The following RGCC variants were observed in gnomAD, a reference collection of about 807,000 sequenced individuals.
RGCC encodes regulator of cell cycle RGCC.
In RGCC, 15 loss-of-function variants were observed where a neutral mutation model predicts 15.4. The ratio of observed to expected loss-of-function variants is 0.97; its 90% confidence interval spans 0.65 to 1.50. RGCC has a LOEUF of 1.50. RGCC is among the 40% of genes most tolerant of loss of function. The pLI, the probability that RGCC is intolerant of heterozygous loss-of-function variation, is 0.00. For synonymous variants in RGCC, 81 were observed against 78.0 expected (o/e 1.04, Z -0.20); for missense variants, 176 against 189.7 (o/e 0.93, Z 0.42).
rs1040565272 is a variant in RGCC, at chr13:41,466,815, C to T, written c.236-8C>T. ...TATTTCTAATGAGTATATTTTCCTTCCTGAAAGGTGCAGATTCACTTTATA... is the reference window on the plus strand; with the variant it reads ...TATTTCTAATGAGTATATTTTCCTTTCTGAAAGGTGCAGATTCACTTTATA... On this transcript the variant is annotated splice_polypyrimidine_tract_variant and splice_region_variant and intron_variant, in intron 2 of 4. Coordinates refer to ENST00000379359, the MANE Select transcript of RGCC (RefSeq NM_014059.3). 6.3e-7 allele frequency: 1 copy of T among 1,595,002 alleles called. No individual in the cohort carries two copies.
chr13:41,460,170 TAAAG>T (rs1368791349), intron 2 of RGCC, among the ~76,000 whole-genome samples: 4 of 152,200 alleles, frequency 2.6e-5, no homozygotes, highest in African/African-American at 4.8e-5. Context: ...GGGAAGAACA[TAAAG>T]AAAGCTCAGA....
Position 41,468,776 on chromosome 13 carries a change from C to G in RGCC, c.344C>G (p.Ala115Gly). 1 of 1,604,670 alleles carries G rather than the reference C, an allele frequency of 6.2e-7. No individual in the cohort carries two copies. Among genetic ancestry groups the G allele is most frequent in the South Asian group, 1.1e-5 (1 of 90,988 alleles). Residue 115 changes from alanine (A) to glycine (G), a missense_variant and splice_region_variant, in exon 4 of 5, where the codon GCT becomes GGT. Ala to Gly is a moderately conservative substitution (Grantham distance 60). Transcript: ENST00000379359. ...TCTCTCTCCCTCTCCTGTTTCACAG[C>G]TAAATTAGGAGACACAAAAGAGCTA... ...LLSATVTPQK[A>G]KLGDTKELEA... is the part of the protein sequence containing the mutation.
chr13:41,460,878 C>G (rs192233824), intron 2 of RGCC, among the ~76,000 whole-genome samples: 2 of 152,132 alleles, frequency 1.3e-5, no homozygotes, highest in Admixed American at 6.5e-5. Context: ...GTTTTTTGCT[C>G]TAGTTTTTAC....
chr13:41,466,732 G>T, intron 2 of RGCC, 91 bp from the exon 3 acceptor site: 1 of 920,834 alleles, frequency 1.1e-6, no homozygotes, highest in South Asian at 1.5e-5. Context: ...TTATTTTGAA[G>T]ACAAATTGTT....
At chr13:41,467,749 G>A (rs1031067016) in intron 3 of RGCC, among the ~76,000 whole-genome samples, 1 of 152,088 alleles carries the variant, frequency 6.6e-6, no homozygotes, top group Non-Finnish European at 1.5e-5. Context: ...ACATAGCAAC[G>A]TTAGCACCCA....
intron 3 of RGCC, among the ~76,000 whole-genome samples, chr13:41,468,126 G>A (rs1197247792): frequency 6.6e-6 from 1 of 152,200 alleles, no homozygotes; most frequent in African/African-American, 2.4e-5. Flanking sequence ...GCACCTGGAG[G>A]GGATGAGGCT....
chr13:41,470,132 C>T (rs201843618), intron 4 of RGCC, among the ~76,000 whole-genome samples: 1 of 151,254 alleles, frequency 6.6e-6, no homozygotes, highest in Non-Finnish European at 1.5e-5. Flanking sequence ...GCAGACAAAC[C>T]TAAATATCAG....
At chr13:41,470,353 C>G (rs1440408789) in intron 4 of RGCC, 125 bp from the exon 5 acceptor site, 2 of 945,488 alleles carry the variant, frequency 2.1e-6, no homozygotes, top group Admixed American at 1.8e-5. Flanking sequence ...TAATCAGACA[C>G]TCATCGTGTG....
At chr13:41,464,749 T>C (rs1327607865) in intron 2 of RGCC, among the ~76,000 whole-genome samples, 3 of 152,148 alleles carry the variant, frequency 2.0e-5, no homozygotes, top group African/African-American at 4.8e-5. Flanking sequence ...GAAGTGTAGG[T>C]ATCAGGTCCA....
intron 2 of RGCC, among the ~76,000 whole-genome samples, chr13:41,464,747 G>A (rs2043839276): frequency 6.6e-6 from 1 of 152,166 alleles, no homozygotes; most frequent in South Asian, 2.1e-4. Flanking sequence ...GGGAAGTGTA[G>A]GTATCAGGTC....
chr13:41,458,480 GC>G lies in RGCC; in HGVS notation c.235+15del, dbSNP rs774942160. 1 of 1,589,316 alleles carries G rather than the reference GC, an allele frequency of 6.3e-7. No individual in the cohort carries two copies. The highest frequency in any genetic ancestry group is 1.1e-5 in the South Asian group (1 of 88,840). Reference sequence around the variant, plus strand: ...TTCAGCGACTCGGAGAGTAAGTGCGGCCCCCGCTAGGATGGCGCCGGGATCT... The same window carrying G: ...TTCAGCGACTCGGAGAGTAAGTGCGGCCCCGCTAGGATGGCGCCGGGATCT... On this transcript the variant is annotated intron_variant, in intron 2 of 4. Transcript: ENST00000379359. The surrounding 1 kb of genome is among the most constrained non-coding windows in gnomAD (Gnocchi z 4.4).
At chr13:41,467,308 A>T (rs1478576885) in intron 3 of RGCC, among the ~76,000 whole-genome samples, 1 of 152,200 alleles carries the variant, frequency 6.6e-6, no homozygotes. Flanking sequence ...AGATAGTGGG[A>T]TTCTTTTTAT....
At chr13:41,466,659 G>A (rs2043850832) in intron 2 of RGCC, among the ~76,000 whole-genome samples, 164 bp from the exon 3 acceptor site, 1 of 152,196 alleles carries the variant, frequency 6.6e-6, no homozygotes, top group Non-Finnish European at 1.5e-5. Flanking sequence ...AAAGTGCTGA[G>A]ATTACAGCCG....
rs1476475141 is a variant in RGCC at position 41,457,700 on chromosome 13, G to C, written c.-8G>C. On this transcript the variant is annotated 5_prime_UTR_variant, in exon 1 of 5. Transcript: ENST00000379359. The surrounding 1 kb of genome is among the most constrained non-coding windows in gnomAD (Gnocchi z 4.9). ...GGCCACGCGCGCCGGGCCCAGCTGA[G>C]CCGCCTCATGAAGCCGCCCGCGGCG... 9 of 1,486,854 alleles carry C rather than the reference G, an allele frequency of 6.1e-6. No individual in the cohort carries two copies. The highest frequency in any genetic ancestry group is 4.5e-6 in the Non-Finnish European group (5 of 1,120,074). 92.1% of individuals were successfully genotyped at this position (1,486,854 alleles called of 1,614,324 possible).
chr13:41,458,610 CG>C lies in RGCC; in HGVS notation c.235+144del. On this transcript the variant is annotated intron_variant, in intron 2 of 4. Transcript: ENST00000379359. The surrounding 1 kb of genome is among the most constrained non-coding windows in gnomAD (Gnocchi z 4.4). Reference sequence around the variant, plus strand: ...CTCAACGCAGTAGGCCGAGTGGTGGCGGGGCCCCTGACGATAATCACGGGAA... The same window carrying C: ...CTCAACGCAGTAGGCCGAGTGGTGGCGGGCCCCTGACGATAATCACGGGAA... 2 of 995,910 alleles carry C rather than the reference CG, an allele frequency of 2.0e-6. No homozygotes were observed. The highest frequency in any genetic ancestry group is 1.7e-5 in the South Asian group (1 of 58,548). 61.7% of individuals were successfully genotyped at this position (995,910 alleles called of 1,614,324 possible).
chr13:41,458,249 G>A lies in RGCC; in HGVS notation c.50-36G>A. ...TGGGAGGTGGTCCCGCTGCCCCCCT[G>A]ACTTCCGTGCACTGAGCCCCTGGCC... On this transcript the variant is annotated intron_variant, in intron 1 of 4. Coordinates refer to ENST00000379359, the MANE Select transcript of RGCC (RefSeq NM_014059.3). This position sits in a 1 kb window ranked among gnomAD's most constrained non-coding sequence, Gnocchi z 4.4. 6.6e-7 allele frequency: 1 copy of A among 1,517,056 alleles called. No homozygotes were observed. Among genetic ancestry groups the A allele is most frequent in the Non-Finnish European group, 8.8e-7 (1 of 1,132,878 alleles). The allele number at this position is 1,517,056 out of a possible 1,614,324, so 94.0% of individuals were successfully genotyped here.
rs576639991 is a variant in RGCC at position 41,460,486 on chromosome 13, G to A, written c.235+2016G>A. On this transcript the variant is annotated intron_variant, in intron 2 of 4. Coordinates refer to ENST00000379359, the MANE Select transcript of RGCC (RefSeq NM_014059.3). ...ACTTTTAGCAAACGCTTGTTATGAT[G>A]ATGATGATGATTTATTAGCTGGAAT... Among the ~76,000 whole-genome samples, 33 of 152,316 alleles carry A rather than the reference G, an allele frequency of 2.2e-4. 1 individual carries two copies. In the South Asian group the frequency reaches 4.6e-3, roughly 21 times the overall value.
In RGCC at chr13:41,465,433, G is replaced by T. The variant is rs182151363; in HGVS notation, c.236-1390G>T. 9.2e-5 allele frequency among the ~76,000 whole-genome samples: 14 copies of T among 152,350 alleles called. No homozygotes were observed. The East Asian group carries it at 2.7e-3, about 29-fold the overall frequency. ...AGCCACACAGCTGGGCCAACCGTGC[G>T]TTGGTTTCCTTCCCCTTAGCAGGAC... On this transcript the variant is annotated intron_variant, in intron 2 of 4. Transcript: ENST00000379359.
chr13:41,466,249 A>ACACTC (rs1212228768), intron 2 of RGCC, among the ~76,000 whole-genome samples: 1 of 148,710 alleles, frequency 6.7e-6, no homozygotes, highest in Admixed American at 6.7e-5. Context: ...ACACACACCC[A>ACACTC]CACTCACACA....
Sources: allele counts gnomAD v4.1 joint callset (sites outside exome capture counted in the v4.1 genomes callset), GRCh38; gene constraint gnomAD v4.1.1; non-coding constraint Gnocchi (gnomAD v3.1); transcripts MANE v1.5; gene names NCBI Gene and HGNC (gene_info 2026-07-23, HGNC 2026-07-21).